Variants in DCLK2 observed in about 807,000 individuals in gnomAD.
DCLK2 encodes the protein doublecortin like kinase 2, also known as serine/threonine-protein kinase DCLK2.
DCLK2 carries 31 observed loss-of-function variants against 78.4 expected under a neutral mutation model. The ratio of observed to expected loss-of-function variants is 0.40; its 90% CI spans 0.30 to 0.53. The LOEUF (loss-of-function observed/expected upper bound fraction) is 0.53. Among genes scored for constraint, DCLK2 ranks in the 20% least tolerant of loss-of-function variants. The pLI is 0.61. For synonymous variants in DCLK2, 407 were observed against 374.9 expected (o/e 1.09, Z -0.99); for missense variants, 872 against 973.7 (o/e 0.90, Z 1.39).
chr4:150,172,766 G>T (rs544628209), intron 2 of DCLK2, among the ~76,000 whole-genome samples: 27 of 143,446 alleles, frequency 1.9e-4, no homozygotes, highest in East Asian at 6.1e-4. Context: ...TTTTTGGGGG[G>T]GGGGGGGATA....
chr4:150,114,373 G>T (rs1731919096), intron 2 of DCLK2, among the ~76,000 whole-genome samples: 1 of 152,106 alleles, frequency 6.6e-6, no homozygotes, highest in Non-Finnish European at 1.5e-5. Context: ...TTGTGTTGCT[G>T]TCTATCTCTT....
intron 1 of DCLK2, among the ~76,000 whole-genome samples, chr4:150,085,547 C>T (rs1481645989): frequency 6.6e-6 from 1 of 152,168 alleles, no homozygotes; most frequent in Non-Finnish European, 1.5e-5. Context: ...TTCAAGGCCT[C>T]ACTTGTTAAT....
intron 5 of DCLK2, among the ~76,000 whole-genome samples, chr4:150,219,348 A>C (rs1395433099): frequency 7.0e-6 from 1 of 143,644 alleles, no homozygotes; most frequent in African/African-American, 2.6e-5. Context: ...AGCTCACTGC[A>C]ACCTCCACCT....
In DCLK2 at chr4:150,256,179, A is replaced by AC. The variant is rs751255369; in HGVS notation, c.2239dup (p.His747ProfsTer10). On this transcript the variant is annotated frameshift_variant, in exon 16 of 16. Coordinates refer to ENST00000296550, the MANE Select transcript of DCLK2 (RefSeq NM_001040260.4). LOFTEE classifies it high-confidence loss of function. Reference sequence around the variant, plus strand: ...GGCCCCCACCCCTCCGGAATCTCCCACCCCCCACCCTCCTCCCGCTGCCCC... The same window carrying AC: ...GGCCCCCACCCCTCCGGAATCTCCCACCCCCCCACCCTCCTCCCGCTGCCCC... The AC allele has an allele frequency of 4.7e-6, 6 of 1,272,896 alleles. No individual in the cohort carries two copies. In the Admixed American group the frequency reaches 1.2e-4, roughly 25 times the overall value. The allele number at this position is 1,272,896 out of a possible 1,614,324, so 78.9% of individuals were successfully genotyped here.
chr4:150,228,206 A>G (rs188859915), intron 8 of DCLK2, among the ~76,000 whole-genome samples: 2 of 152,348 alleles, frequency 1.3e-5, no homozygotes, highest in Admixed American at 6.5e-5. Flanking sequence ...CCTTCATCAC[A>G]TCTGCAGAAC....
chr4:150,090,898 C>T (rs183124095), intron 1 of DCLK2, among the ~76,000 whole-genome samples: 27 of 152,162 alleles, frequency 1.8e-4, no homozygotes, highest in African/African-American at 5.8e-4. Context: ...TCCCCAGCCC[C>T]GCTCTGCAGA....
rs534191240 is a variant in DCLK2, at chr4:150,107,421, C to T, written c.756+4609C>T. Among the ~76,000 whole-genome samples the T allele has an allele frequency of 8.9e-5, 13 of 146,030 alleles. No individual in the cohort carries two copies. In the South Asian group the frequency reaches 2.9e-3, roughly 32 times the overall value. On this transcript the variant is annotated intron_variant, in intron 2 of 15. Coordinates refer to ENST00000296550, the MANE Select transcript of DCLK2 (RefSeq NM_001040260.4). ...GGAGACAGAATCTCACTCTGTCACC[C>T]AGGCTAAAGGGCAATGGCGATCTCG...
intron 2 of DCLK2, among the ~76,000 whole-genome samples, chr4:150,189,466 A>C (rs1490679865): frequency 1.3e-5 from 2 of 152,204 alleles, no homozygotes; most frequent in Non-Finnish European, 2.9e-5. Context: ...CAGAGATGCA[A>C]AAGTAGAGGA....
chr4:150,220,865 C>G, intron 6 of DCLK2, 87 bp downstream of exon 6: 1 of 1,084,154 alleles, frequency 9.2e-7, no homozygotes, highest in Non-Finnish European at 1.4e-6. Flanking sequence ...TGCTAAATTA[C>G]GATCTTCCTA....
chr4:150,158,184 G>C (rs1158517899), intron 2 of DCLK2, among the ~76,000 whole-genome samples: 1 of 152,132 alleles, frequency 6.6e-6, no homozygotes, highest in East Asian at 1.9e-4. Flanking sequence ...TTTTGGCTGT[G>C]TGTTCACATG....
chr4:150,131,182 C>T (rs1733284327), intron 2 of DCLK2, among the ~76,000 whole-genome samples: 1 of 152,020 alleles, frequency 6.6e-6, no homozygotes, highest in East Asian at 1.9e-4. Context: ...ATCACTGTGC[C>T]TGGCTTCATT....
At chr4:150,083,380 TAATG>T (rs1158687292) in intron 1 of DCLK2, among the ~76,000 whole-genome samples, 3 of 152,220 alleles carry the variant, frequency 2.0e-5, no homozygotes, top group Non-Finnish European at 4.4e-5. Context: ...GTTATTTTGA[TAATG>T]ATACTTTCAT....
chr4:150,092,542 A>G (rs28840424), intron 1 of DCLK2, among the ~76,000 whole-genome samples: 57,942 of 151,828 alleles, frequency 0.38, 11,276 homozygotes, highest in Non-Finnish European at 0.42. Flanking sequence ...CATTTCCATG[A>G]TAATTATTGA....
At chr4:150,127,454 G>C (rs10857242) in intron 2 of DCLK2, among the ~76,000 whole-genome samples, 134,875 of 152,210 alleles carry the variant, frequency 0.89, 60,483 homozygotes, top group African/African-American at 0.96. Context: ...ATATTTTATT[G>C]TATGGGTTAT....
At chr4:150,079,640 C>T (rs1395485671) in intron 1 of DCLK2, among the ~76,000 whole-genome samples, 192 bp downstream of exon 1, 3 of 152,340 alleles carry the variant, frequency 2.0e-5, no homozygotes, top group South Asian at 2.1e-4. Context: ...ACTTTCCTTC[C>T]CAAGAGGTTT....
chr4:150,222,445 T>C (rs1280446986), intron 7 of DCLK2, among the ~76,000 whole-genome samples: 2 of 152,228 alleles, frequency 1.3e-5, no homozygotes, highest in African/African-American at 4.8e-5. Flanking sequence ...TCTCAGTCTG[T>C]ACTTGTATTA....
intron 2 of DCLK2, among the ~76,000 whole-genome samples, chr4:150,177,539 T>C (rs2150275300): frequency 6.6e-6 from 1 of 152,356 alleles, no homozygotes; most frequent in African/African-American, 2.4e-5. Flanking sequence ...GAAAGGCATT[T>C]ATTTGAAAGA....
At chr4:150,169,827 A>G (rs1285934807) in intron 2 of DCLK2, among the ~76,000 whole-genome samples, 1 of 152,188 alleles carries the variant, frequency 6.6e-6, no homozygotes, top group East Asian at 1.9e-4. Flanking sequence ...ATTGACAGAC[A>G]GCTAATTGTT....
chr4:150,102,570 G>A lies in DCLK2; in HGVS notation c.514G>A (p.Gly172Arg). 6.2e-7 allele frequency: 1 copy of A among 1,614,174 alleles called. No homozygotes were observed. Among genetic ancestry groups the A allele is most frequent in the South Asian group, 1.1e-5 (1 of 91,084 alleles). ...NPNWSVNIKGGTSRALAAASS... is the reference protein window; with the variant it reads ...NPNWSVNIKGRTSRALAAASS... ...AAACTGGTCTGTGAACATCAAGGGT[G>A]GGACATCCCGAGCGCTGGCTGCTGC... Residue 172 changes from glycine (G) to arginine (R), a missense_variant, in exon 2 of 16, where the codon GGG becomes AGG. By Grantham distance (125) the Gly-to-Arg change is moderately radical. Around this residue, in one of 3 missense-constraint regions of DCLK2, gnomAD observed 567 missense variants for 593.4 expected, o/e 0.96. Coordinates refer to ENST00000296550, the MANE Select transcript of DCLK2 (RefSeq NM_001040260.4).
Sources: allele counts gnomAD v4.1 joint callset (sites outside exome capture counted in the v4.1 genomes callset), GRCh38; gene constraint gnomAD v4.1.1; regional missense constraint gnomAD v4.1.1; transcripts MANE v1.5; gene names NCBI Gene and HGNC (gene_info 2026-07-23, HGNC 2026-07-21).